PPP2R2C: variants seen among roughly 807,000 people sequenced by gnomAD.
The protein encoded by PPP2R2C is protein phosphatase 2 regulatory subunit Bgamma, also known as protein phosphatase 2, regulatory subunit B, gamma.
A neutral mutation model predicts 45.3 loss-of-function variants in PPP2R2C; 10 were observed. The observed-to-expected ratio is 0.22, with a 90% CI of 0.14 to 0.37. The LOEUF is 0.37. Ranked by LOEUF, PPP2R2C falls within the 10% of genes least tolerant of loss-of-function variation. PPP2R2C has a pLI of 1.00. For missense variants in PPP2R2C, 308 were observed against 619.7 expected, an observed-to-expected ratio of 0.50 and a Z score of 5.34; for synonymous variants, 257 against 245.4, an observed-to-expected ratio of 1.05 and a Z score of -0.44.
rs555138807 is a variant in PPP2R2C, at chr4:6,384,956, G to A, written c.71-3862C>T. ...GAGCCTTGGTTTCATTATCTGTAGTGTGCTTATGGTGGAGCCTTCCCAGGA... is the reference window on the plus strand; with the variant it reads ...GAGCCTTGGTTTCATTATCTGTAGTATGCTTATGGTGGAGCCTTCCCAGGA... On this transcript the variant is annotated intron_variant, in intron 1 of 8. Transcript: ENST00000382599. 11 of 613,456 alleles carry A rather than the reference G, an allele frequency of 1.8e-5. No homozygotes were observed. In the South Asian group the frequency reaches 7.2e-4, roughly 40 times the overall value. The allele number at this position is 613,456 out of a possible 1,614,324, so 38.0% of individuals were successfully genotyped here.
intron 1 of PPP2R2C, among the ~76,000 whole-genome samples, chr4:6,418,765 G>C (rs1365779988): frequency 1.3e-5 from 2 of 152,352 alleles, no homozygotes; most frequent in East Asian, 1.9e-4. Context: ...GGTCTCAGAG[G>C]AAGACCTGCC....
At position 6,563,279 on chromosome 4, in the gene PPP2R2C, T is replaced by C. The variant is rs1420077692; in HGVS notation, c.-59+281A>G. Among the ~76,000 whole-genome samples, 1 of 151,726 alleles carries C rather than the reference T, an allele frequency of 6.6e-6. No homozygotes were observed. The highest frequency in any genetic ancestry group is 2.4e-5 in the African/African-American group (1 of 41,322). On this transcript the variant is annotated intron_variant, in intron 1 of 9. Transcript: ENST00000506140. The surrounding 1 kb of genome is among the most constrained non-coding windows in gnomAD (Gnocchi z 5.8). ...AGGGTTCCAAGCCGGTTCTGTCGGG[T>C]TCCCTCAAGACCCCGAGAGCACGCG... is the stretch of plus-strand genomic sequence containing the variant.
chr4:6,412,825 G>T lies in PPP2R2C; in HGVS notation c.71-31731C>A, dbSNP rs1436462312. 5.9e-5 allele frequency among the ~76,000 whole-genome samples: 9 copies of T among 152,230 alleles called. No homozygotes were observed. In the South Asian group the frequency reaches 1.7e-3, roughly 28 times the overall value. Reference sequence around the variant, plus strand: ...TGGAGCCCCCATGAATGGGATTAGTGCCCTTAGAAGAAGGGCCTACAAAAG... The same window carrying T: ...TGGAGCCCCCATGAATGGGATTAGTTCCCTTAGAAGAAGGGCCTACAAAAG... On this transcript the variant is annotated intron_variant, in intron 1 of 8. Coordinates refer to ENST00000382599, the MANE Select transcript of PPP2R2C (RefSeq NM_020416.4).
intron 1 of PPP2R2C, chr4:6,383,240 C>G: frequency 2.5e-6 from 3 of 1,201,772 alleles, no homozygotes; most frequent in Non-Finnish European, 3.2e-6. Flanking sequence ...GAAGAACCCC[C>G]CCAACCCCCG....
intron 1 of PPP2R2C, among the ~76,000 whole-genome samples, chr4:6,546,007 G>A (rs1465062887): frequency 6.6e-6 from 1 of 152,226 alleles, no homozygotes; most frequent in Non-Finnish European, 1.5e-5. Flanking sequence ...GAAGCATGGA[G>A]AGATGGAGTT....
At chr4:6,383,455 A>G in intron 1 of PPP2R2C, 1 of 1,284,310 alleles carries the variant, frequency 7.8e-7, no homozygotes, top group Non-Finnish European at 1.0e-6. Flanking sequence ...TCCCCTCCAA[A>G]CACCAGGCTC....
intron 6 of PPP2R2C, among the ~76,000 whole-genome samples, chr4:6,346,439 C>T (rs1577088600): frequency 6.6e-6 from 1 of 152,162 alleles, no homozygotes; most frequent in East Asian, 1.9e-4. Flanking sequence ...CTCCCTGACC[C>T]CCTCTGTCCC....
At chr4:6,421,770 A>G (rs973455832) in intron 1 of PPP2R2C, among the ~76,000 whole-genome samples, 8 of 150,162 alleles carry the variant, frequency 5.3e-5, no homozygotes, top group African/African-American at 1.9e-4. Flanking sequence ...CTTGAAAAGA[A>G]GTCACAGTTC....
rs553913764 is a variant in PPP2R2C, at chr4:6,342,563, C to A, written c.790+5283G>T. Among the ~76,000 whole-genome samples, 74 of 152,358 alleles carry A rather than the reference C, an allele frequency of 4.9e-4. 1 individual carries two copies. The highest frequency in any genetic ancestry group is 1.7e-3 in the African/African-American group (72 of 41,584). ...GGGGCCTATGAAGGGTCTTGGCCAT[C>A]ATCGGCCCCGATTCTAAGAAATCAG... On this transcript the variant is annotated intron_variant, in intron 6 of 8. Coordinates refer to ENST00000382599, the MANE Select transcript of PPP2R2C (RefSeq NM_020416.4).
intron 1 of PPP2R2C, among the ~76,000 whole-genome samples, chr4:6,425,249 G>A (rs1237138665): frequency 6.6e-6 from 1 of 152,106 alleles, no homozygotes; most frequent in African/African-American, 2.4e-5. Context: ...CCACAAGGCT[G>A]TGCACGCCCA....
intron 5 of PPP2R2C, among the ~76,000 whole-genome samples, chr4:6,363,132 C>T (rs1176802643): frequency 2.0e-5 from 3 of 152,134 alleles, no homozygotes; most frequent in African/African-American, 2.4e-5. Flanking sequence ...AGCCATGGCA[C>T]GCAGGAAGCC....
chr4:6,538,096 T>C lies in PPP2R2C; in HGVS notation c.-58-2719A>G, dbSNP rs182284143. Among the ~76,000 whole-genome samples the C allele has an allele frequency of 3.0e-3, 461 of 152,230 alleles. 3 individuals are homozygous for C. Among genetic ancestry groups the C allele is most frequent in the African/African-American group, 0.01 (432 of 41,528 alleles). Reference sequence around the variant, plus strand: ...TACTGAATTAGACACTGAAAATGCTTAAAATGATTAGTTTTATGTTATGTA... The same window carrying C: ...TACTGAATTAGACACTGAAAATGCTCAAAATGATTAGTTTTATGTTATGTA... On this transcript the variant is annotated intron_variant, in intron 1 of 9. Transcript: ENST00000506140.
At chr4:6,492,668 G>A (rs1274447181) in intron 2 of PPP2R2C, among the ~76,000 whole-genome samples, 1 of 152,188 alleles carries the variant, frequency 6.6e-6, no homozygotes, top group Non-Finnish European at 1.5e-5. Flanking sequence ...CTCGAATGAT[G>A]TGCCCTAGGA....
At chr4:6,525,090 T>C (rs1310698580) in intron 2 of PPP2R2C, among the ~76,000 whole-genome samples, 1 of 151,208 alleles carries the variant, frequency 6.6e-6, no homozygotes, top group Non-Finnish European at 1.5e-5. Context: ...TCTCTCCAAA[T>C]AAATAAATAA....
At position 6,332,626 on chromosome 4, in the gene PPP2R2C, G is replaced by C. The variant is rs1251458417; in HGVS notation, c.960+936C>G. Among the ~76,000 whole-genome samples, 8 of 152,168 alleles carry C rather than the reference G, an allele frequency of 5.3e-5. No individual in the cohort carries two copies. The highest frequency in any genetic ancestry group is 1.9e-4 in the African/African-American group (8 of 41,444). ...GCGTAGGGCTCTGAGCCTGGGCTCT[G>C]AATCTGTCACCGCCCAGCCGAGAGA... is the stretch of plus-strand genomic sequence containing the variant. On this transcript the variant is annotated intron_variant, in intron 7 of 8. Coordinates refer to ENST00000382599, the MANE Select transcript of PPP2R2C (RefSeq NM_020416.4). This position sits in a 1 kb window ranked among gnomAD's most constrained non-coding sequence, Gnocchi z 4.9.
intron 2 of PPP2R2C, among the ~76,000 whole-genome samples, chr4:6,504,638 A>G (rs1286458587): frequency 6.6e-6 from 1 of 152,210 alleles, no homozygotes; most frequent in African/African-American, 2.4e-5. Flanking sequence ...AAAATCTAGA[A>G]CTGAAAAATA....
At chr4:6,396,212 G>A (rs533163075) in intron 1 of PPP2R2C, among the ~76,000 whole-genome samples, 5 of 152,310 alleles carry the variant, frequency 3.3e-5, no homozygotes, top group Admixed American at 6.5e-5. Flanking sequence ...CAGGGCCTGT[G>A]CTCTTGATGC....
At chr4:6,426,409 C>G (rs1382866293) in intron 1 of PPP2R2C, among the ~76,000 whole-genome samples, 1 of 152,190 alleles carries the variant, frequency 6.6e-6, no homozygotes, top group Non-Finnish European at 1.5e-5. Flanking sequence ...CAGGGTGGGA[C>G]TAGGGATGGA....
At chr4:6,466,958 CT>C (rs1464783934) in intron 1 of PPP2R2C, among the ~76,000 whole-genome samples, 1 of 152,154 alleles carries the variant, frequency 6.6e-6, no homozygotes, top group Admixed American at 6.5e-5. Context: ...CAGCAGTCGC[CT>C]TTTACACGTG....
Sources: gnomAD v4.1 joint callset for allele counts (sites outside exome capture counted in the v4.1 genomes callset) on GRCh38, gnomAD v4.1.1 for gene constraint, Gnocchi (gnomAD v3.1) non-coding constraint, MANE v1.5 for transcripts, NCBI Gene and HGNC (gene_info 2026-07-23, HGNC 2026-07-21) for gene names.